Variants in CSMD3 observed in about 807,000 individuals in gnomAD.
CSMD3 encodes CUB and sushi domain-containing protein 3.
A neutral mutation model predicts 435.2 loss-of-function variants in CSMD3; 177 were observed. The observed-to-expected ratio is 0.41, with a 90% CI of 0.36 to 0.46. CSMD3 has a LOEUF of 0.46. Ranked by LOEUF, CSMD3 falls within the 20% of genes least tolerant of loss-of-function variation. CSMD3 has a pLI of 0.34. For missense variants in CSMD3, 4,265 were observed against 4,504.6 expected (o/e 0.95, Z 1.52); for synonymous variants, 1,656 against 1,520.5 (o/e 1.09, Z -2.07).
intron 31 of CSMD3, among the ~76,000 whole-genome samples, chr8:112,482,643 G>C (rs1368159370): frequency 1.3e-5 from 2 of 152,138 alleles, no homozygotes; most frequent in Admixed American, 6.6e-5. Context: ...AACTAAAATA[G>C]CTTTTTATCA....
chr8:113,220,162 G>A (rs963936921), intron 3 of CSMD3, among the ~76,000 whole-genome samples: 3 of 151,378 alleles, frequency 2.0e-5, no homozygotes, highest in African/African-American at 7.3e-5. Context: ...ACAAACTGCA[G>A]GTGAAGATTA....
At chr8:113,252,326 C>T (rs2093341775) in intron 3 of CSMD3, among the ~76,000 whole-genome samples, 1 of 152,052 alleles carries the variant, frequency 6.6e-6, no homozygotes, top group South Asian at 2.1e-4. Context: ...TCATCTATAA[C>T]AAATGATGAT....
intron 32 of CSMD3, among the ~76,000 whole-genome samples, chr8:112,452,544 T>A (rs529263572): frequency 1.3e-5 from 2 of 152,296 alleles, no homozygotes; most frequent in South Asian, 4.1e-4. Flanking sequence ...CTATTTAATC[T>A]AAGAGATGTA....
chr8:112,570,383 T>A (rs1442695778), intron 24 of CSMD3, among the ~76,000 whole-genome samples: 1 of 152,206 alleles, frequency 6.6e-6, no homozygotes, highest in African/African-American at 2.4e-5. Flanking sequence ...AACGGTTATA[T>A]TAGTTGCATA....
At chr8:113,011,214 T>C (rs1159666583) in intron 6 of CSMD3, among the ~76,000 whole-genome samples, 1 of 151,816 alleles carries the variant, frequency 6.6e-6, no homozygotes, top group Non-Finnish European at 1.5e-5. Flanking sequence ...TCTAAAACCT[T>C]ATTTTATATA....
intron 13 of CSMD3, among the ~76,000 whole-genome samples, chr8:112,727,716 G>C (rs1232917446): frequency 6.6e-6 from 1 of 151,534 alleles, no homozygotes; most frequent in Non-Finnish European, 1.5e-5. Flanking sequence ...CTGTGATCTA[G>C]GATTGATTAT....
At chr8:112,426,226 T>G (rs982001751) in intron 32 of CSMD3, among the ~76,000 whole-genome samples, 1 of 152,128 alleles carries the variant, frequency 6.6e-6, no homozygotes, top group Non-Finnish European at 1.5e-5. Flanking sequence ...ATTGGTGAAT[T>G]TGAGTGTGTG....
chr8:112,412,602 A>G (rs1212212637), intron 32 of CSMD3, among the ~76,000 whole-genome samples: 1 of 152,142 alleles, frequency 6.6e-6, no homozygotes, highest in African/African-American at 2.4e-5. Flanking sequence ...ATCAATTTTT[A>G]TAGTGGTATA....
intron 16 of CSMD3, among the ~76,000 whole-genome samples, chr8:112,672,138 G>A (rs1295931741): frequency 6.6e-6 from 1 of 152,052 alleles, no homozygotes; most frequent in Non-Finnish European, 1.5e-5. Context: ...GCAGGGACAG[G>A]TACTGTCCCA....
intron 11 of CSMD3, among the ~76,000 whole-genome samples, chr8:112,830,729 T>G (rs1177651463): frequency 1.3e-5 from 2 of 151,488 alleles, no homozygotes; most frequent in Admixed American, 6.6e-5. Context: ...TTTGTTATTA[T>G]AAAAATAATT....
At chr8:112,581,619 C>T (rs1293990281) in intron 23 of CSMD3, among the ~76,000 whole-genome samples, 1 of 151,902 alleles carries the variant, frequency 6.6e-6, no homozygotes, top group East Asian at 1.9e-4. Context: ...TTTGTCCTTT[C>T]TAGAAGAAAA....
At chr8:113,037,837 C>A (rs1341342390) in intron 5 of CSMD3, among the ~76,000 whole-genome samples, 2 of 151,948 alleles carry the variant, frequency 1.3e-5, no homozygotes, top group African/African-American at 4.8e-5. Flanking sequence ...TCTTAATTCT[C>A]CAGTCAAATC....
Position 112,604,148 on chromosome 8 carries a change from G to A in CSMD3, c.3716-16913C>T, listed in dbSNP as rs574616626. Among the ~76,000 whole-genome samples, 126 of 152,254 alleles carry A rather than the reference G, an allele frequency of 8.3e-4. 1 individual carries two copies. Among genetic ancestry groups the A allele is most frequent in the African/African-American group, 2.8e-3 (116 of 41,554 alleles). ...TGAACATTTTTTCAGTTGGAAGGTA[G>A]AGGGGCAAGGGAGATTTTTACTGCA... On this transcript the variant is annotated intron_variant, in intron 22 of 70. Transcript: ENST00000297405.
chr8:112,238,855 C>T (rs1268129808), intron 66 of CSMD3, among the ~76,000 whole-genome samples: 4 of 151,962 alleles, frequency 2.6e-5, no homozygotes, highest in African/African-American at 9.7e-5. Flanking sequence ...AACATCCCTG[C>T]ATAGCTATGA....
chr8:112,924,600 A>G (rs2082853713), intron 9 of CSMD3, among the ~76,000 whole-genome samples: 1 of 151,386 alleles, frequency 6.6e-6, no homozygotes, highest in African/African-American at 2.4e-5. Context: ...GGAGACAGGA[A>G]ATTGATAATA....
At chr8:112,424,336 A>G (rs938158315) in intron 32 of CSMD3, among the ~76,000 whole-genome samples, 13 of 152,196 alleles carry the variant, frequency 8.5e-5, no homozygotes, top group African/African-American at 2.9e-4. Context: ...TTCTAAACAA[A>G]TATTTAAAAA....
rs182385378 is a variant in CSMD3 at position 113,277,226 on chromosome 8, T to C, written c.514+1366A>G. Among the ~76,000 whole-genome samples the C allele has an allele frequency of 1.0e-3, 153 of 152,130 alleles. 2 individuals are homozygous for C. Among genetic ancestry groups the C allele is most frequent in the African/African-American group, 3.5e-3 (144 of 41,566 alleles). ...TTTGTGGTTATAGTGTTTTAAACTA[T>C]GAATTAAGTTGCCAGGATAAAGAAT... On this transcript the variant is annotated intron_variant, in intron 3 of 70. Transcript: ENST00000297405.
chr8:113,337,079 C>A (rs981854283), intron 1 of CSMD3, among the ~76,000 whole-genome samples: 1 of 152,068 alleles, frequency 6.6e-6, no homozygotes, highest in South Asian at 2.1e-4. Context: ...GTACAGAAGG[C>A]AGGCTGTTAT....
chr8:112,408,790 A>T, intron 33 of CSMD3, 129 bp downstream of exon 33: 1 of 1,466,330 alleles, frequency 6.8e-7, no homozygotes, highest in Non-Finnish European at 9.2e-7. Flanking sequence ...TAGAAAAAAA[A>T]AAGGTGACAC....
Sources: allele counts gnomAD v4.1 joint callset (sites outside exome capture counted in the v4.1 genomes callset), GRCh38; gene constraint gnomAD v4.1.1; transcripts MANE v1.5; gene names NCBI Gene and HGNC (gene_info 2026-07-23, HGNC 2026-07-21).